Variants in ESF1 observed in about 807,000 individuals in gnomAD.
ESF1 encodes ESF1 nucleolar pre-rRNA processing protein, also known as ESF1 homolog.
In ESF1, 58 loss-of-function variants were observed where a neutral mutation model predicts 92.0. The ratio of observed to expected loss-of-function variants is 0.63; its 90% confidence interval spans 0.51 to 0.78. The LOEUF is 0.78. Ranked by LOEUF, ESF1 falls within the 30% of genes least tolerant of loss-of-function variation. The pLI is 0.00. For synonymous variants in ESF1, 321 were observed against 313.7 expected (o/e 1.02, Z -0.24); for missense variants, 922 against 989.1 (o/e 0.93, Z 0.91).
At chr20:13,719,555 GCTGTTGAGCAAT>G (rs1452720729) in intron 11 of ESF1, among the ~76,000 whole-genome samples, 2 of 150,262 alleles carry the variant, frequency 1.3e-5, no homozygotes, top group Non-Finnish European at 3.0e-5. Context: ...TTTAATAACT[GCTGTTGAGCAAT>G]TTGTTTCATT....
At chr20:13,737,658 A>G (rs903417472) in intron 9 of ESF1, among the ~76,000 whole-genome samples, 5 of 152,064 alleles carry the variant, frequency 3.3e-5, no homozygotes, top group Non-Finnish European at 5.9e-5. Context: ...CTCTGAGTAT[A>G]AGGCTTTTTT....
In ESF1 at chr20:13,754,535, G is replaced by GTCTA. The variant is rs550113075; in HGVS notation, c.1828+5153_1828+5156dup. Among the ~76,000 whole-genome samples the GTCTA allele has an allele frequency of 3.8e-3, 572 of 152,114 alleles. 3 individuals carry two copies. The highest frequency in any genetic ancestry group is 0.013 in the African/African-American group (525 of 41,492). On this transcript the variant is annotated intron_variant, in intron 9 of 13. Coordinates refer to ENST00000617257, the MANE Select transcript of ESF1 (RefSeq NM_001276380.2). Reference sequence around the variant, plus strand: ...GTATAACCAACTGATTCCTTGGCATGTCTATTTAGGTATCAATGGGCATCT... The same window carrying GTCTA: ...GTATAACCAACTGATTCCTTGGCATGTCTATCTATTTAGGTATCAATGGGCATCT...
At chr20:13,770,321 C>T (rs903408394) in intron 6 of ESF1, among the ~76,000 whole-genome samples, 1 of 152,152 alleles carries the variant, frequency 6.6e-6, no homozygotes, top group African/African-American at 2.4e-5. Flanking sequence ...GGGTCCCTCA[C>T]GTTTCAAAAA....
At chr20:13,747,571 C>T (rs1173421746) in intron 9 of ESF1, among the ~76,000 whole-genome samples, 2 of 145,852 alleles carry the variant, frequency 1.4e-5, no homozygotes, top group African/African-American at 2.6e-5. Context: ...TGCAGCCTGC[C>T]GACAGAGCGA....
intron 9 of ESF1, among the ~76,000 whole-genome samples, chr20:13,753,701 G>A (rs1978745774): frequency 6.6e-6 from 1 of 151,918 alleles, no homozygotes; most frequent in African/African-American, 2.4e-5. Flanking sequence ...GAAATTCACT[G>A]CCAGGATTGT....
intron 9 of ESF1, among the ~76,000 whole-genome samples, chr20:13,754,844 C>T (rs1978814971): frequency 6.6e-6 from 1 of 152,142 alleles, no homozygotes; most frequent in African/African-American, 2.4e-5. Context: ...CATGTCTGGC[C>T]CCAAACTACC....
chr20:13,722,837 CAG>C (rs35671512), intron 11 of ESF1, among the ~76,000 whole-genome samples: 10,971 of 150,910 alleles, frequency 0.073, 429 homozygotes, highest in Non-Finnish European at 0.087. Flanking sequence ...CCCTGAGTGA[CAG>C]AGCAAAATGC....
chr20:13,766,651 A>T (rs1208221906), intron 8 of ESF1, 126 bp downstream of exon 8: 46 of 822,538 alleles, frequency 5.6e-5, no homozygotes, highest in Non-Finnish European at 7.7e-5. Context: ...AAAAAAATCA[A>T]TCACTATCTA....
intron 2 of ESF1, among the ~76,000 whole-genome samples, chr20:13,778,440 C>T (rs909930238): frequency 9.7e-5 from 14 of 143,948 alleles, no homozygotes; most frequent in Admixed American, 3.0e-4. Context: ...GTCATTATAC[C>T]ATTTTCATGA....
Position 13,733,711 on chromosome 20 carries a change from T to A in ESF1, c.1950+10A>T, listed in dbSNP as rs2049958324. ...TTCAACAAACATTTGGTCATAATTA[T>A]CAATGATACCTTCTGTTTCCTTTTC... On this transcript the variant is annotated intron_variant, in intron 10 of 13. Coordinates refer to ENST00000617257, the MANE Select transcript of ESF1 (RefSeq NM_001276380.2). 1 of 1,608,660 alleles carries A rather than the reference T, an allele frequency of 6.2e-7. No homozygotes were observed. The highest frequency in any genetic ancestry group is 1.7e-5 in the Admixed American group (1 of 59,016).
Position 13,743,052 on chromosome 20 carries a change from T to G in ESF1, c.1829-9210A>C, listed in dbSNP as rs1053664533. Among the ~76,000 whole-genome samples, 3 of 152,216 alleles carry G rather than the reference T, an allele frequency of 2.0e-5. No individual in the cohort carries two copies. The East Asian group carries it at 5.8e-4, about 29-fold the overall frequency. On this transcript the variant is annotated intron_variant, in intron 9 of 13. Coordinates refer to ENST00000617257, the MANE Select transcript of ESF1 (RefSeq NM_001276380.2). Reference sequence around the variant, plus strand: ...TGTATCAGCACTTCATTCCTTTTTATGTACCCATTATCTCTTAAGAATATT... The same window carrying G: ...TGTATCAGCACTTCATTCCTTTTTAGGTACCCATTATCTCTTAAGAATATT...
chr20:13,740,767 C>A (rs2050007431), intron 9 of ESF1, among the ~76,000 whole-genome samples: 1 of 152,154 alleles, frequency 6.6e-6, no homozygotes, highest in South Asian at 2.1e-4. Context: ...CAAGACAACA[C>A]TGTAGAGCAA....
intron 2 of ESF1, among the ~76,000 whole-genome samples, chr20:13,778,323 A>C (rs1215528035): frequency 6.6e-6 from 1 of 152,132 alleles, no homozygotes; most frequent in Non-Finnish European, 1.5e-5. Flanking sequence ...AAAACACAAC[A>C]TTGAAAGTTA....
At chr20:13,738,178 T>C (rs944387070) in intron 9 of ESF1, among the ~76,000 whole-genome samples, 1 of 152,210 alleles carries the variant, frequency 6.6e-6, no homozygotes, top group African/African-American at 2.4e-5. Flanking sequence ...ACTATGTGCA[T>C]AGGATATCCT....
intron 2 of ESF1, among the ~76,000 whole-genome samples, chr20:13,779,682 G>A (rs924777852): frequency 6.6e-6 from 1 of 152,126 alleles, no homozygotes; most frequent in Non-Finnish European, 1.5e-5. Flanking sequence ...TTACAGGTGT[G>A]CACCACTATG....
At chr20:13,727,915 T>TA (rs1433626109) in intron 11 of ESF1, among the ~76,000 whole-genome samples, 26 of 152,184 alleles carry the variant, frequency 1.7e-4, no homozygotes, top group Non-Finnish European at 7.4e-5. Flanking sequence ...TGCATAAATT[T>TA]AAAAAAATTA....
chr20:13,774,335 C>T (rs945609205), intron 4 of ESF1, among the ~76,000 whole-genome samples: 6 of 152,070 alleles, frequency 3.9e-5, no homozygotes, highest in South Asian at 2.1e-4. Context: ...CGCTCATTGG[C>T]GCATTTCAGA....
intron 4 of ESF1, 75 bp downstream of exon 4, chr20:13,775,082 C>CAAAAAAAA (rs67609153): frequency 1.4e-6 from 1 of 690,724 alleles, no homozygotes; most frequent in Non-Finnish European, 2.1e-6. Flanking sequence ...AAACTATGGC[C>CAAAAAAAA]AAAAAAAAAA....
intron 9 of ESF1, among the ~76,000 whole-genome samples, chr20:13,746,560 AG>A (rs2050050072): frequency 1.3e-5 from 2 of 152,170 alleles, no homozygotes; most frequent in Non-Finnish European, 2.9e-5. Flanking sequence ...CATTATAAGC[AG>A]GCCCTACAGA....
Sources: allele counts gnomAD v4.1 joint callset (sites outside exome capture counted in the v4.1 genomes callset), GRCh38; gene constraint gnomAD v4.1.1; transcripts MANE v1.5; gene names NCBI Gene and HGNC (gene_info 2026-07-23, HGNC 2026-07-21).